The following FSTL5 variants were observed in gnomAD, a reference collection of about 807,000 sequenced individuals.
FSTL5 encodes the protein follistatin-related protein 5.
A neutral mutation model predicts 89.1 loss-of-function variants in FSTL5; 62 were observed. The ratio of observed to expected loss-of-function variants is 0.70; its 90% CI spans 0.57 to 0.86. The LOEUF is 0.86. Ranked by LOEUF, FSTL5 falls within the 40% of genes least tolerant of loss-of-function variation. The probability of loss-of-function intolerance (pLI) is 0.00; values close to 1 mark genes in which losing one functional copy is unlikely to be tolerated. For synonymous variants in FSTL5, 383 were observed against 346.2 expected (o/e 1.11, Z -1.18); for missense variants, 1,057 against 1,001.6 (o/e 1.06, Z -0.75).
At chr4:161,545,525 C>G (rs1228918731) in intron 8 of FSTL5, among the ~76,000 whole-genome samples, 1 of 151,928 alleles carries the variant, frequency 6.6e-6, no homozygotes, top group African/African-American at 2.4e-5. Context: ...TTCTGGGAAG[C>G]CAGGATTATG....
At chr4:161,944,889 G>T (rs1734694577) in intron 3 of FSTL5, among the ~76,000 whole-genome samples, 1 of 151,136 alleles carries the variant, frequency 6.6e-6, no homozygotes. Context: ...TAATAATTTA[G>T]GTGAATGTTT....
chr4:161,626,156 C>T (rs941481373), intron 7 of FSTL5, among the ~76,000 whole-genome samples: 2 of 152,100 alleles, frequency 1.3e-5, no homozygotes, highest in African/African-American at 4.8e-5. Flanking sequence ...GACTACACTA[C>T]ACAAAATATT....
intron 9 of FSTL5, among the ~76,000 whole-genome samples, chr4:161,539,409 G>T (rs1382376053): frequency 1.1e-4 from 16 of 152,142 alleles, no homozygotes; most frequent in Admixed American, 9.2e-4. Context: ...GATATGGACA[G>T]GCAGTGGATG....
At chr4:162,093,509 TGC>T (rs1208705103) in intron 2 of FSTL5, among the ~76,000 whole-genome samples, 2 of 152,328 alleles carry the variant, frequency 1.3e-5, no homozygotes, top group Admixed American at 1.3e-4. Context: ...GAGCCAATCC[TGC>T]TGGGATTAAG....
intron 2 of FSTL5, among the ~76,000 whole-genome samples, chr4:162,041,480 AAT>A (rs143465916): frequency 1.2e-4 from 18 of 150,408 alleles, no homozygotes; most frequent in Admixed American, 2.7e-4. Flanking sequence ...TAGCCTAATG[AAT>A]ATATATATAT....
intron 12 of FSTL5, among the ~76,000 whole-genome samples, chr4:161,489,681 A>G (rs149504254): frequency 6.6e-6 from 1 of 152,276 alleles, no homozygotes; most frequent in East Asian, 1.9e-4. Flanking sequence ...AATTAAAACT[A>G]AAGAAAATAA....
intron 3 of FSTL5, among the ~76,000 whole-genome samples, chr4:161,992,135 G>A (rs893396176): frequency 6.6e-6 from 1 of 152,192 alleles, no homozygotes; most frequent in African/African-American, 2.4e-5. Context: ...TCTTGCCAGT[G>A]ATTTTAACAT....
At chr4:161,419,169 T>C (rs1422747316) in intron 15 of FSTL5, among the ~76,000 whole-genome samples, 1 of 152,218 alleles carries the variant, frequency 6.6e-6, no homozygotes, top group Admixed American at 6.5e-5. Context: ...AGTTGCTGTT[T>C]TTTACCAATG....
chr4:161,985,188 T>A (rs1454957489), intron 3 of FSTL5, among the ~76,000 whole-genome samples: 1 of 152,108 alleles, frequency 6.6e-6, no homozygotes, highest in Non-Finnish European at 1.5e-5. Flanking sequence ...TACCCAAGAT[T>A]ACTTGCAAGC....
At chr4:162,007,425 AT>A (rs1296410583) in intron 3 of FSTL5, among the ~76,000 whole-genome samples, 3 of 151,838 alleles carry the variant, frequency 2.0e-5, no homozygotes, top group African/African-American at 2.4e-5. Context: ...AAGTAAATGT[AT>A]TTTTCAAATA....
intron 12 of FSTL5, among the ~76,000 whole-genome samples, chr4:161,488,905 T>A (rs754692426): frequency 1.3e-5 from 2 of 152,106 alleles, no homozygotes; most frequent in African/African-American, 2.4e-5. Context: ...CAAGGAGAAT[T>A]TTATTCTCTC....
intron 10 of FSTL5, among the ~76,000 whole-genome samples, chr4:161,531,988 A>T (rs1468212444): frequency 6.6e-6 from 1 of 151,986 alleles, no homozygotes; most frequent in Non-Finnish European, 1.5e-5. Flanking sequence ...GCGGATCATG[A>T]GGTCAGGAGA....
chr4:161,963,960 G>A (rs1031477652), intron 3 of FSTL5, among the ~76,000 whole-genome samples: 1 of 151,746 alleles, frequency 6.6e-6, no homozygotes, highest in East Asian at 1.9e-4. Flanking sequence ...GAATTCTGAG[G>A]TTATATACAG....
At chr4:162,135,661 T>G (rs1430908125) in intron 1 of FSTL5, among the ~76,000 whole-genome samples, 1 of 152,084 alleles carries the variant, frequency 6.6e-6, no homozygotes, top group Non-Finnish European at 1.5e-5. Flanking sequence ...CCCAAATATT[T>G]GGGTATAAGG....
At chr4:161,959,849 G>C (rs1034365695) in intron 3 of FSTL5, among the ~76,000 whole-genome samples, 5 of 152,038 alleles carry the variant, frequency 3.3e-5, no homozygotes, top group African/African-American at 1.2e-4. Flanking sequence ...GTGGTGTCTT[G>C]GTTGTCTAGA....
At chr4:161,742,667 G>T (rs1740067172) in intron 6 of FSTL5, among the ~76,000 whole-genome samples, 1 of 152,116 alleles carries the variant, frequency 6.6e-6, no homozygotes, top group Non-Finnish European at 1.5e-5. Context: ...GCCAAGGATG[G>T]GTTGAAGAGA....
chr4:161,702,276 G>A (rs887580193), intron 6 of FSTL5, among the ~76,000 whole-genome samples: 1 of 152,192 alleles, frequency 6.6e-6, no homozygotes. Context: ...AAGATGATGA[G>A]AAGGGTCAAC....
chr4:161,686,478 C>T (rs1286466450), intron 6 of FSTL5, among the ~76,000 whole-genome samples: 1 of 148,380 alleles, frequency 6.7e-6, no homozygotes, highest in Non-Finnish European at 1.5e-5. Flanking sequence ...CCTGCCTCAG[C>T]CTCCTGAGTA....
At chr4:161,524,000 GGCTGT>G (rs1262621332) in intron 10 of FSTL5, among the ~76,000 whole-genome samples, 1 of 152,134 alleles carries the variant, frequency 6.6e-6, no homozygotes, top group Non-Finnish European at 1.5e-5. Context: ...TAACCTGAGA[GGCTGT>G]TTCAGGCCAT....
Sources: allele counts gnomAD v4.1 joint callset (sites outside exome capture counted in the v4.1 genomes callset), GRCh38; gene constraint gnomAD v4.1.1; transcripts MANE v1.5; gene names NCBI Gene and HGNC (gene_info 2026-07-23, HGNC 2026-07-21).